MED12L: variants seen among roughly 807,000 people sequenced by gnomAD.
The protein encoded by MED12L is mediator of RNA polymerase II transcription subunit 12-like protein.
MED12L carries 60 observed loss-of-function variants against 281.3 expected under a neutral mutation model. The ratio of observed to expected loss-of-function variants is 0.21; its 90% CI spans 0.17 to 0.26. MED12L has a LOEUF of 0.26. Among genes scored for constraint, MED12L ranks in the 10% least tolerant of loss-of-function variants. The pLI is 1.00. For missense variants in MED12L, 2,146 were observed against 2,680.9 expected (o/e 0.80, Z 4.41); for synonymous variants, 974 against 987.2 (o/e 0.99, Z 0.25).
chr3:151,380,735 A>C (rs1481393464), intron 32 of MED12L, among the ~76,000 whole-genome samples: 1 of 152,230 alleles, frequency 6.6e-6, no homozygotes, highest in Non-Finnish European at 1.5e-5. Flanking sequence ...AGATATATAC[A>C]ATAAATGTGT....
chr3:151,144,939 A>G (rs148442895), intron 5 of MED12L, among the ~76,000 whole-genome samples: 7 of 152,166 alleles, frequency 4.6e-5, no homozygotes, highest in African/African-American at 1.7e-4. Context: ...CTTTCACCTA[A>G]GGTTACTTCC....
intron 16 of MED12L, chr3:151,328,059 C>T: frequency 2.5e-6 from 4 of 1,608,646 alleles, no homozygotes; most frequent in Non-Finnish European, 3.4e-6. Context: ...GTCTTTCTCC[C>T]TTGCATACAT....
chr3:151,133,948 G>T (rs1416104808), intron 5 of MED12L, among the ~76,000 whole-genome samples: 1 of 152,182 alleles, frequency 6.6e-6, no homozygotes, highest in African/African-American at 2.4e-5. Flanking sequence ...TCCCCATGAG[G>T]AGTCTTATTG....
At chr3:151,340,292 A>G (rs144825964) in intron 16 of MED12L, among the ~76,000 whole-genome samples, 2 of 152,186 alleles carry the variant, frequency 1.3e-5, no homozygotes. Flanking sequence ...TATTCTTGAC[A>G]TTGAGAATTT....
chr3:151,162,384 GTTTATTTTTTTTATT>G (rs774580780), intron 8 of MED12L, among the ~76,000 whole-genome samples: 10 of 152,096 alleles, frequency 6.6e-5, no homozygotes, highest in African/African-American at 1.4e-4. Context: ...AGACCTCAGA[GTTTATTTTTTTTATT>G]TTTATTTTTT....
chr3:151,416,196 A>C, intron 42 of MED12L, 116 bp from the exon 43 acceptor site: 4 of 1,551,778 alleles, frequency 2.6e-6, no homozygotes, highest in Non-Finnish European at 3.5e-6. Context: ...GCAGGCAGGT[A>C]TATATTGTTT....
Position 151,086,901 on chromosome 3 carries a change from C to CT in MED12L, c.-26_-25insT. Reference sequence around the variant, plus strand: ...GGCTGCTCCAGCTCCAACTCTCATTCATTTCGCCGGTTAACATGAGAGATC... The same window carrying CT: ...GGCTGCTCCAGCTCCAACTCTCATTCTATTTCGCCGGTTAACATGAGAGATC... On this transcript the variant is annotated 5_prime_UTR_variant, in exon 2 of 45. Coordinates refer to ENST00000687756, the MANE Select transcript of MED12L (RefSeq NM_001393769.1). The CT allele has an allele frequency of 1.3e-6, 2 of 1,552,388 alleles. No homozygotes were observed. The highest frequency in any genetic ancestry group is 2.4e-5 in the South Asian group (2 of 84,638).
intron 44 of MED12L, among the ~76,000 whole-genome samples, chr3:151,432,275 C>T (rs1024079421): frequency 2.0e-5 from 3 of 152,216 alleles, no homozygotes; most frequent in South Asian, 2.1e-4. Flanking sequence ...TCATCACACA[C>T]GGACAGTCTT....
intron 16 of MED12L, among the ~76,000 whole-genome samples, chr3:151,319,470 T>C (rs766968263): frequency 0.058 from 2,857 of 49,350 alleles, 130 homozygotes; most frequent in East Asian, 0.25. Context: ...TGTGTGTGCG[T>C]GTGTGTGTGT....
intron 12 of MED12L, among the ~76,000 whole-genome samples, chr3:151,187,682 T>G (rs191424622): frequency 3.3e-5 from 5 of 152,332 alleles, no homozygotes; most frequent in East Asian, 1.9e-4. Flanking sequence ...AGGTACTTCA[T>G]GAACTGTGGA....
chr3:151,295,715 A>T (rs1031034697), intron 16 of MED12L, among the ~76,000 whole-genome samples: 2 of 152,212 alleles, frequency 1.3e-5, no homozygotes, highest in African/African-American at 4.8e-5. Context: ...CTAGTGGGTC[A>T]TTTTGAATTT....
intron 43 of MED12L, among the ~76,000 whole-genome samples, chr3:151,417,479 C>CCA (rs373073803): frequency 9.2e-6 from 1 of 108,622 alleles, no homozygotes; most frequent in African/African-American, 3.3e-5. Flanking sequence ...CCCCAGCTCC[C>CCA]CCCCCGCCTT....
chr3:151,409,165 T>G, intron 39 of MED12L, 78 bp from the exon 40 acceptor site: 1 of 1,071,600 alleles, frequency 9.3e-7, no homozygotes, highest in Non-Finnish European at 1.4e-6. Flanking sequence ...AGATGTGGGT[T>G]ATTTGGATTA....
At chr3:151,088,779 T>A (rs1202458256) in intron 2 of MED12L, among the ~76,000 whole-genome samples, 2 of 152,044 alleles carry the variant, frequency 1.3e-5, no homozygotes, top group East Asian at 1.9e-4. Flanking sequence ...CTTGACTCGT[T>A]TAACCAAGGT....
At chr3:151,309,157 A>G (rs1006045509) in intron 16 of MED12L, among the ~76,000 whole-genome samples, 3 of 151,644 alleles carry the variant, frequency 2.0e-5, no homozygotes, top group Non-Finnish European at 4.4e-5. Context: ...ACACACACAC[A>G]CAACGTTTCT....
intron 38 of MED12L, among the ~76,000 whole-genome samples, 175 bp from the exon 39 acceptor site, chr3:151,394,481 T>C (rs1433952228): frequency 4.6e-5 from 7 of 152,238 alleles, no homozygotes; most frequent in African/African-American, 1.4e-4. Context: ...CCTCATCTTT[T>C]GTAAGTTATG....
intron 11 of MED12L, among the ~76,000 whole-genome samples, chr3:151,181,419 A>ATTT (rs201215650): frequency 5.6e-5 from 8 of 141,650 alleles, no homozygotes; most frequent in Non-Finnish European, 9.3e-5. Context: ...CTTTCCTTCC[A>ATTT]TTTTTTTTTT....
At chr3:151,394,972 T>C in intron 39 of MED12L, 105 bp downstream of exon 39, 1 of 1,412,866 alleles carries the variant, frequency 7.1e-7, no homozygotes, top group South Asian at 1.3e-5. Flanking sequence ...CATATCCCTG[T>C]ATACTTGTGT....
intron 5 of MED12L, among the ~76,000 whole-genome samples, chr3:151,155,770 T>C (rs1035965950): frequency 6.6e-5 from 10 of 152,220 alleles, no homozygotes; most frequent in African/African-American, 2.4e-4. Context: ...TTCCTTGAGA[T>C]CTCCCCTTCA....
Sources: allele counts gnomAD v4.1 joint callset (sites outside exome capture counted in the v4.1 genomes callset), GRCh38; gene constraint gnomAD v4.1.1; transcripts MANE v1.5; gene names NCBI Gene and HGNC (gene_info 2026-07-23, HGNC 2026-07-21).